PCDH9: variants seen among roughly 807,000 people sequenced by gnomAD.
PCDH9 encodes the protein protocadherin 9, also known as protocadherin-9.
Under a neutral mutation model 70.6 loss-of-function variants are expected in PCDH9, and 24 were observed. The ratio of observed to expected loss-of-function variants is 0.34; its 90% CI spans 0.25 to 0.48. The LOEUF (loss-of-function observed/expected upper bound fraction) is 0.48. Ranked by LOEUF, PCDH9 falls within the 20% of genes least tolerant of loss-of-function variation. The pLI is 0.99. For synonymous variants in PCDH9, 562 were observed against 558.5 expected (o/e 1.01, Z -0.09); for missense variants, 1,281 against 1,503.6 (o/e 0.85, Z 2.45).
At chr13:66,441,187 G>A (rs896734117) in intron 4 of PCDH9, among the ~76,000 whole-genome samples, 1 of 152,144 alleles carries the variant, frequency 6.6e-6, no homozygotes, top group Admixed American at 6.5e-5. Flanking sequence ...TGCTTCACCA[G>A]CAAGTGAAGT....
intron 3 of PCDH9, among the ~76,000 whole-genome samples, chr13:66,763,608 C>G (rs1369229245): frequency 2.0e-5 from 3 of 152,110 alleles, no homozygotes; most frequent in Admixed American, 2.0e-4. Flanking sequence ...AATGAGTAGT[C>G]ATCTTTACAA....
At chr13:66,786,565 G>A (rs541878958) in intron 3 of PCDH9, among the ~76,000 whole-genome samples, 38 of 152,228 alleles carry the variant, frequency 2.5e-4, no homozygotes, top group East Asian at 2.1e-3. Context: ...ATATTTAAGC[G>A]AAGTACAAAT....
chr13:66,673,306 A>T (rs115338733), intron 3 of PCDH9, among the ~76,000 whole-genome samples: 3,266 of 152,124 alleles, frequency 0.021, 90 homozygotes, highest in African/African-American at 0.061. Flanking sequence ...GCCATATAAG[A>T]CACGCCTTTG....
rs117905312 is a variant in PCDH9 at position 66,476,105 on chromosome 13, T to C, written c.3340+155105A>G. Among the ~76,000 whole-genome samples the C allele has an allele frequency of 7.9e-4, 120 of 152,208 alleles. 1 individual carries two copies. In the East Asian group the frequency reaches 0.011, roughly 13 times the overall value. Reference sequence around the variant, plus strand: ...CTATCTTTAAAGGTCTTCTTAAATATTTTCTAAGACAAATGCCCTAGAATC... The same window carrying C: ...CTATCTTTAAAGGTCTTCTTAAATACTTTCTAAGACAAATGCCCTAGAATC... On this transcript the variant is annotated intron_variant, in intron 4 of 4. Transcript: ENST00000377865.
At chr13:67,108,510 T>C (rs558899925) in intron 2 of PCDH9, among the ~76,000 whole-genome samples, 1 of 152,278 alleles carries the variant, frequency 6.6e-6, no homozygotes, top group Non-Finnish European at 1.5e-5. Flanking sequence ...CATTTCAAGG[T>C]AGAAAATAGC....
chr13:66,374,511 T>TATTAA (rs1956715938), intron 4 of PCDH9, among the ~76,000 whole-genome samples: 1 of 152,040 alleles, frequency 6.6e-6, no homozygotes, highest in South Asian at 2.1e-4. Context: ...CTCTACACGT[T>TATTAA]ATTTAATTTA....
intron 3 of PCDH9, among the ~76,000 whole-genome samples, chr13:66,815,231 C>T (rs2080580937): frequency 6.6e-6 from 1 of 152,112 alleles, no homozygotes; most frequent in South Asian, 2.1e-4. Flanking sequence ...GATACCATCT[C>T]GCACCAGTCA....
Position 66,341,750 on chromosome 13 carries a change from AG to A in PCDH9, c.3341-36723del, listed in dbSNP as rs1357270007. On this transcript the variant is annotated intron_variant, in intron 4 of 4. Transcript: ENST00000377865. Reference sequence around the variant, plus strand: ...TTGCTAGAACTAATCCTGTACTAACAGGCACAGGACTTTTGTATAGCAATGG... The same window carrying A: ...TTGCTAGAACTAATCCTGTACTAACAGCACAGGACTTTTGTATAGCAATGG... Among the ~76,000 whole-genome samples, 4 of 3,254 alleles carry A rather than the reference AG, an allele frequency of 1.2e-3. No homozygotes were observed. In the East Asian group the frequency reaches 0.079, roughly 64 times the overall value. 2.1% of individuals were successfully genotyped at this position (3,254 alleles called of 152,430 possible). A position where few individuals can be genotyped will look rare whatever the true frequency, so the allele number is the denominator to read the frequency against.
At chr13:66,431,862 G>T (rs1957775446) in intron 4 of PCDH9, among the ~76,000 whole-genome samples, 1 of 151,882 alleles carries the variant, frequency 6.6e-6, no homozygotes, top group South Asian at 2.1e-4. Flanking sequence ...CATTCTCTTT[G>T]ATATGATTTC....
At chr13:66,952,218 T>C (rs1402841912) in intron 2 of PCDH9, among the ~76,000 whole-genome samples, 2 of 152,166 alleles carry the variant, frequency 1.3e-5, no homozygotes, top group Non-Finnish European at 1.5e-5. Context: ...CAATGCATTG[T>C]GGAAGGCACC....
At chr13:66,573,733 GTTTT>G (rs937314923) in intron 4 of PCDH9, among the ~76,000 whole-genome samples, 14 of 138,926 alleles carry the variant, frequency 1.0e-4, no homozygotes, top group South Asian at 4.9e-4. Flanking sequence ...GAGCAGTTGG[GTTTT>G]TTTGTTTGTT....
chr13:67,152,995 C>G lies in PCDH9; in HGVS notation c.3036+72410G>C, dbSNP rs2087700971. Among the ~76,000 whole-genome samples, 3 of 148,258 alleles carry G rather than the reference C, an allele frequency of 2.0e-5. No homozygotes were observed. The Admixed American group carries it at 2.0e-4, about 10-fold the overall frequency. ...TGAAGAATTCCAGACACTTCTCCAA[C>G]TAGCCCTCATCACTCCCACCTGGAA... On this transcript the variant is annotated intron_variant, in intron 2 of 4. Transcript: ENST00000377865.
intron 2 of PCDH9, among the ~76,000 whole-genome samples, chr13:67,087,554 A>G (rs558451948): frequency 6.6e-6 from 1 of 152,170 alleles, no homozygotes; most frequent in African/African-American, 2.4e-5. Context: ...CTCATCTCTT[A>G]GCCTCCATGA....
chr13:66,809,304 G>T (rs1239753955), intron 3 of PCDH9, among the ~76,000 whole-genome samples: 1 of 152,010 alleles, frequency 6.6e-6, no homozygotes, highest in Non-Finnish European at 1.5e-5. Context: ...AAATTACCGT[G>T]TATACAATAT....
intron 2 of PCDH9, among the ~76,000 whole-genome samples, chr13:66,989,998 A>C (rs1467718366): frequency 6.6e-6 from 1 of 151,950 alleles, no homozygotes. Flanking sequence ...TTTTCAGTGC[A>C]TAGCAGTATA....
intron 3 of PCDH9, among the ~76,000 whole-genome samples, chr13:66,848,789 A>G (rs544084840): frequency 4.0e-5 from 6 of 148,824 alleles, no homozygotes; most frequent in South Asian, 2.1e-4. Context: ...TTAGCCGGGC[A>G]GGGTGGCGGG....
rs143596269 is a variant in PCDH9, at chr13:67,063,139, T to C, written c.3037-159534A>G. On this transcript the variant is annotated intron_variant, in intron 2 of 4. Transcript: ENST00000377865. ...GGTCAGCGGGTGGCTCTATTGTTAATTGTACTCACTTTGTGGTCTTAGCTG... is the reference window on the plus strand; with the variant it reads ...GGTCAGCGGGTGGCTCTATTGTTAACTGTACTCACTTTGTGGTCTTAGCTG... Among the ~76,000 whole-genome samples, 976 of 152,280 alleles carry C rather than the reference T, an allele frequency of 6.4e-3. 7 individuals are homozygous for C. The highest frequency in any genetic ancestry group is 0.022 in the African/African-American group (900 of 41,576).
chr13:66,619,880 C>G (rs976974264), intron 4 of PCDH9, among the ~76,000 whole-genome samples: 1 of 152,110 alleles, frequency 6.6e-6, no homozygotes, highest in South Asian at 2.1e-4. Flanking sequence ...TGATTTCTTT[C>G]TTAACCTACT....
At chr13:66,814,675 G>C (rs768201401) in intron 3 of PCDH9, among the ~76,000 whole-genome samples, 1 of 152,106 alleles carries the variant, frequency 6.6e-6, no homozygotes, top group Admixed American at 6.5e-5. Context: ...CTTCTCATTC[G>C]ATAAATGGTG....
Sources: gnomAD v4.1 joint callset for allele counts (sites outside exome capture counted in the v4.1 genomes callset) on GRCh38, gnomAD v4.1.1 for gene constraint, MANE v1.5 for transcripts, NCBI Gene and HGNC (gene_info 2026-07-23, HGNC 2026-07-21) for gene names.